The following GRIN2A variants were observed in gnomAD, a reference collection of about 807,000 sequenced individuals.
GRIN2A encodes glutamate ionotropic receptor NMDA type subunit 2A.
Under a neutral mutation model 113.4 loss-of-function variants are expected in GRIN2A, and 22 were observed. That is an observed-to-expected ratio of 0.19 (90% CI 0.14 to 0.28). GRIN2A has a LOEUF of 0.28. Ranked by LOEUF, GRIN2A falls within the 10% of genes least tolerant of loss-of-function variation. The probability of loss-of-function intolerance (pLI) is 1.00; values close to 1 mark genes in which losing one functional copy is unlikely to be tolerated. For synonymous variants in GRIN2A, 827 were observed against 738.4 expected (o/e 1.12, Z -1.94); for missense variants, 1,502 against 1,887.0 (o/e 0.80, Z 3.78).
At chr16:10,067,818 C>T (rs542014014) in intron 2 of GRIN2A, among the ~76,000 whole-genome samples, 2 of 152,246 alleles carry the variant, frequency 1.3e-5, no homozygotes, top group South Asian at 2.1e-4. Flanking sequence ...ACTAGCATGG[C>T]ATGGGTAGAG....
chr16:9,984,291 G>C (rs2045942431), intron 2 of GRIN2A, among the ~76,000 whole-genome samples: 1 of 151,722 alleles, frequency 6.6e-6, no homozygotes, highest in Non-Finnish European at 1.5e-5. Context: ...CAGTTGAGTA[G>C]TTTGCAAATA....
intron 7 of GRIN2A, among the ~76,000 whole-genome samples, chr16:9,836,455 T>C (rs1401321448): frequency 6.6e-6 from 1 of 152,246 alleles, no homozygotes; most frequent in Non-Finnish European, 1.5e-5. Flanking sequence ...CCTATGTGCA[T>C]GTAAGAATCT....
intron 2 of GRIN2A, among the ~76,000 whole-genome samples, chr16:10,079,870 A>C (rs2047945802): frequency 1.3e-5 from 2 of 152,230 alleles, no homozygotes; most frequent in Non-Finnish European, 2.9e-5. Context: ...GCAATGGTGT[A>C]ATCAGTGTGA....
intron 3 of GRIN2A, among the ~76,000 whole-genome samples, chr16:9,937,101 A>T (rs147221332): frequency 6.6e-6 from 1 of 152,292 alleles, no homozygotes; most frequent in East Asian, 1.9e-4. Flanking sequence ...AATGTTTATA[A>T]GACAAATGAT....
intron 2 of GRIN2A, among the ~76,000 whole-genome samples, chr16:10,107,101 G>A (rs1188567637): frequency 1.3e-5 from 2 of 152,208 alleles, no homozygotes; most frequent in African/African-American, 2.4e-5. Context: ...GGAGGGCTAG[G>A]ATGATGACTG....
At chr16:10,033,788 C>T (rs896574314) in intron 2 of GRIN2A, 5 of 152,406 alleles carry the variant, frequency 3.3e-5, no homozygotes, top group African/African-American at 1.2e-4. Context: ...TGTCCTTGTT[C>T]TTCCCAACAC....
chr16:10,140,527 A>AGATC (rs1185049573), intron 2 of GRIN2A, among the ~76,000 whole-genome samples: 1 of 152,140 alleles, frequency 6.6e-6, no homozygotes, highest in Non-Finnish European at 1.5e-5. Context: ...TGGGAGAATG[A>AGATC]GATCTTTGGT....
chr16:9,774,981 T>A (rs1371421513), intron 11 of GRIN2A, among the ~76,000 whole-genome samples: 1 of 152,164 alleles, frequency 6.6e-6, no homozygotes, highest in Admixed American at 6.5e-5. Flanking sequence ...GAGAAATTAG[T>A]TCTCTATTTG....
intron 2 of GRIN2A, among the ~76,000 whole-genome samples, chr16:10,139,704 C>T (rs1294274561): frequency 2.0e-5 from 3 of 152,074 alleles, no homozygotes; most frequent in South Asian, 2.1e-4. Flanking sequence ...GGGGGAATAC[C>T]CAAGAGGTTG....
intron 2 of GRIN2A, among the ~76,000 whole-genome samples, chr16:10,015,330 T>A (rs1349590851): frequency 6.8e-6 from 1 of 148,106 alleles, no homozygotes; most frequent in Non-Finnish European, 1.5e-5. Flanking sequence ...ACTAGAATCT[T>A]ACTAAGGGTA....
rs1370788532 is a variant in GRIN2A, at chr16:10,023,713, G to T, written c.415-85162C>A. Among the ~76,000 whole-genome samples, 7 of 152,312 alleles carry T rather than the reference G, an allele frequency of 4.6e-5. 2 individuals are homozygous for T. In the South Asian group the frequency reaches 1.5e-3, roughly 32 times the overall value. On this transcript the variant is annotated intron_variant, in intron 2 of 12. Transcript: ENST00000330684. ...CGCTATAAATGAGCATGATTGGCTTGCCAGTTGAACCTACAAACAGAAATA... is the reference window on the plus strand; with the variant it reads ...CGCTATAAATGAGCATGATTGGCTTTCCAGTTGAACCTACAAACAGAAATA...
At chr16:9,791,775 A>G (rs1902618634) in intron 11 of GRIN2A, among the ~76,000 whole-genome samples, 2 of 152,030 alleles carry the variant, frequency 1.3e-5, no homozygotes, top group Admixed American at 1.3e-4. Context: ...GCTATCTTGT[A>G]TGCTTCAGTG....
intron 2 of GRIN2A, among the ~76,000 whole-genome samples, chr16:10,084,744 C>CTTTCTTTATTTATTTATTTATTTA (rs1555476820): frequency 1.4e-5 from 2 of 147,022 alleles, no homozygotes; most frequent in African/African-American, 2.5e-5. Flanking sequence ...CCACCTGACA[C>CTTTCTTTATTTATTTATTTATTTA]TTTATTTATT....
chr16:10,082,046 C>A (rs530637492), intron 2 of GRIN2A, among the ~76,000 whole-genome samples: 1 of 152,268 alleles, frequency 6.6e-6, no homozygotes, highest in Non-Finnish European at 1.5e-5. Context: ...ACAGAGAAAT[C>A]AGCTCCAAGC....
chr16:9,772,180 A>C, intron 11 of GRIN2A, among the ~76,000 whole-genome samples: 1 of 152,198 alleles, frequency 6.6e-6, no homozygotes, highest in Admixed American at 6.5e-5. Context: ...ATGCTTTCGC[A>C]CAGTCACAAA....
intron 2 of GRIN2A, among the ~76,000 whole-genome samples, chr16:9,994,076 G>A (rs78705251): frequency 0.014 from 2,100 of 152,270 alleles, 22 homozygotes; most frequent in Non-Finnish European, 0.024. Context: ...CACCCTCCAT[G>A]TTATCATCTT....
intron 2 of GRIN2A, chr16:10,171,633 T>C (rs2050044289): frequency 6.6e-6 from 1 of 152,246 alleles, no homozygotes; most frequent in African/African-American, 2.4e-5. Context: ...ACTCCCAGTT[T>C]CTTTCAGAGC....
At chr16:9,853,366 G>C (rs1034268070) in intron 4 of GRIN2A, among the ~76,000 whole-genome samples, 3 of 152,186 alleles carry the variant, frequency 2.0e-5, no homozygotes, top group South Asian at 4.1e-4. Flanking sequence ...GGTCATGAAG[G>C]TGGAGCCCTC....
chr16:10,034,125 G>A (rs2046980665), intron 2 of GRIN2A, among the ~76,000 whole-genome samples: 1 of 152,150 alleles, frequency 6.6e-6, no homozygotes, highest in Non-Finnish European at 1.5e-5. Context: ...CAGTGTGAAG[G>A]TCCACCTTCT....
Sources: gnomAD v4.1 joint callset for allele counts (sites outside exome capture counted in the v4.1 genomes callset) on GRCh38, gnomAD v4.1.1 for gene constraint, MANE v1.5 for transcripts, NCBI Gene and HGNC (gene_info 2026-07-23, HGNC 2026-07-21) for gene names.